Variants in DAB1 observed in about 807,000 individuals in gnomAD.
DAB1 encodes the protein disabled homolog 1.
Under a neutral mutation model 64.6 loss-of-function variants are expected in DAB1, and 15 were observed. That is an observed-to-expected ratio of 0.23 (90% CI 0.16 to 0.36). DAB1 has a LOEUF of 0.36. Among genes scored for constraint, DAB1 ranks in the 10% least tolerant of loss-of-function variants. DAB1 has a pLI of 1.00. For synonymous variants in DAB1, 235 were observed against 251.9 expected (o/e 0.93, Z 0.64); for missense variants, 596 against 706.7 (o/e 0.84, Z 1.78).
chr1:57,620,387 C>A (rs1645843305), intron 7 of DAB1, among the ~76,000 whole-genome samples: 1 of 152,184 alleles, frequency 6.6e-6, no homozygotes, highest in African/African-American at 2.4e-5. Context: ...TCCCTCTGGA[C>A]TTGTTTCCAG....
intron 1 of DAB1, among the ~76,000 whole-genome samples, chr1:57,869,437 T>C (rs1297106408): frequency 6.6e-6 from 1 of 151,844 alleles, no homozygotes; most frequent in Non-Finnish European, 1.5e-5. Context: ...ACAAACAAAG[T>C]TGACACTTCA....
chr1:57,713,263 A>G (rs746666799), intron 6 of DAB1, among the ~76,000 whole-genome samples: 44 of 152,300 alleles, frequency 2.9e-4, no homozygotes, highest in Admixed American at 1.8e-3. Context: ...AGGCAACATA[A>G]CCTAAGGATG....
At chr1:58,220,398 GTTTAAAATAGATAATC>G (rs1252441441) in intron 4 of DAB1, among the ~76,000 whole-genome samples, 1 of 152,172 alleles carries the variant, frequency 6.6e-6, no homozygotes, top group Non-Finnish European at 1.5e-5. Context: ...TGAAACACTG[GTTTAAAATAGATAATC>G]TTTACATTTT....
intron 3 of DAB1, among the ~76,000 whole-genome samples, chr1:58,417,142 CTCT>C (rs1395625183): frequency 6.6e-6 from 1 of 152,118 alleles, no homozygotes; most frequent in Non-Finnish European, 1.5e-5. Context: ...ATCCTCCCGT[CTCT>C]TCTTGCCTTA....
intron 3 of DAB1, among the ~76,000 whole-genome samples, chr1:58,429,438 G>C (rs1196586544): frequency 1.3e-5 from 2 of 152,214 alleles, no homozygotes; most frequent in Admixed American, 1.3e-4. Context: ...GACAGAGCAG[G>C]ACAGTCAGTG....
chr1:57,016,696 C>T (rs201075725), intron 11 of DAB1, among the ~76,000 whole-genome samples: 1 of 114,630 alleles, frequency 8.7e-6, no homozygotes, highest in Non-Finnish European at 1.7e-5. Flanking sequence ...ACACGTATTA[C>T]CATGATAATT....
chr1:57,607,942 C>G (rs1232941593), intron 7 of DAB1, among the ~76,000 whole-genome samples: 1 of 152,146 alleles, frequency 6.6e-6, no homozygotes, highest in Non-Finnish European at 1.5e-5. Flanking sequence ...ACAGAGGGGT[C>G]AGCATTCAGA....
chr1:57,436,018 G>C (rs746705012), intron 7 of DAB1, among the ~76,000 whole-genome samples: 1 of 149,900 alleles, frequency 6.7e-6, no homozygotes, highest in Non-Finnish European at 1.5e-5. Context: ...CCGGGTTCAA[G>C]CAATTCTCCT....
intron 6 of DAB1, among the ~76,000 whole-genome samples, chr1:57,765,672 G>C (rs1410217153): frequency 6.6e-6 from 1 of 152,036 alleles, no homozygotes; most frequent in East Asian, 1.9e-4. Flanking sequence ...ATCCTTACTT[G>C]ACTGTCAACA....
intron 5 of DAB1, among the ~76,000 whole-genome samples, chr1:57,908,360 T>G (rs1307941853): frequency 6.6e-6 from 1 of 152,122 alleles, no homozygotes; most frequent in Non-Finnish European, 1.5e-5. Flanking sequence ...ACTGATGTCC[T>G]TTTCAACAAG....
Position 57,069,399 on chromosome 1 carries a change from C to A in DAB1, c.624G>T (p.Glu208Asp). Reference sequence around the variant, plus strand: ...CTTCCGTTTCGGGATCACGGATTGGCTCGTGTCCAGCCTCAAACACAATGT... The same window carrying A: ...CTTCCGTTTCGGGATCACGGATTGGATCGTGTCCAGCCTCAAACACAATGT... ...YQYIVFEAGHEPIRDPETEEN... is the reference protein window; with the variant it reads ...YQYIVFEAGHDPIRDPETEEN... The change falls in exon 8 of 15, where the codon GAG (glutamate) becomes GAT (aspartate). Residue 208 changes from glutamate to aspartate, a missense_variant. Physicochemically the swap from Glu to Asp is conservative, Grantham distance 45 (BLOSUM62 2). This residue lies in a region of DAB1 where 176 missense variants were observed against 266.7 expected (regional missense o/e 0.66). Transcript: ENST00000371236. 1 of 1,613,532 alleles carries A rather than the reference C, an allele frequency of 6.2e-7. No homozygotes were observed. Among genetic ancestry groups the A allele is most frequent in the Non-Finnish European group, 8.5e-7 (1 of 1,179,594 alleles).
chr1:57,278,119 G>T (rs987943363), intron 2 of DAB1, among the ~76,000 whole-genome samples: 2 of 152,326 alleles, frequency 1.3e-5, no homozygotes, highest in South Asian at 4.1e-4. Context: ...GATGGTCTCT[G>T]CTGGGAAACA....
chr1:58,474,191 G>A (rs957723591), intron 3 of DAB1, among the ~76,000 whole-genome samples: 1 of 152,130 alleles, frequency 6.6e-6, no homozygotes, highest in African/African-American at 2.4e-5. Flanking sequence ...CAATGGGATA[G>A]GTGCAGTAAT....
At chr1:58,326,106 A>G (rs79965773) in intron 4 of DAB1, among the ~76,000 whole-genome samples, 3,539 of 152,282 alleles carry the variant, frequency 0.023, 145 homozygotes, top group African/African-American at 0.081. Context: ...CTTCTCCCCA[A>G]TCACGTAGCA....
intron 4 of DAB1, among the ~76,000 whole-genome samples, chr1:58,320,883 G>A (rs549434297): frequency 9.9e-5 from 15 of 152,152 alleles, no homozygotes; most frequent in Admixed American, 1.3e-4. Context: ...GCAAGAGATC[G>A]GAGGAGGAGG....
chr1:58,431,607 T>A (rs941647854), intron 3 of DAB1, among the ~76,000 whole-genome samples: 1 of 151,896 alleles, frequency 6.6e-6, no homozygotes, highest in Non-Finnish European at 1.5e-5. Context: ...AGAAAAAGTT[T>A]TGTGACAAAA....
chr1:57,046,417 C>A (rs1648502638), intron 9 of DAB1, among the ~76,000 whole-genome samples: 1 of 152,184 alleles, frequency 6.6e-6, no homozygotes, highest in Non-Finnish European at 1.5e-5. Flanking sequence ...ATTTATTTAG[C>A]TCTTGCTCCT....
At chr1:57,973,545 A>G (rs1281253925) in intron 5 of DAB1, among the ~76,000 whole-genome samples, 2 of 152,160 alleles carry the variant, frequency 1.3e-5, no homozygotes, top group Non-Finnish European at 2.9e-5. Context: ...AAGTACACAA[A>G]GCCCTTAAAC....
chr1:57,595,830 C>T lies in DAB1; in HGVS notation n.625+53762G>A, dbSNP rs189300041. On this transcript the variant is annotated intron_variant and non_coding_transcript_variant, in intron 7 of 20. Coordinates refer to the DAB1 transcript ENST00000485760. ...CTCCCCACCTCTCTTCCTCCTCCTC[C>T]GGCCATGTAGGATGTGCCTGCTTCC... Among the ~76,000 whole-genome samples, 12 of 152,230 alleles carry T rather than the reference C, an allele frequency of 7.9e-5. No homozygotes were observed. The East Asian group carries it at 1.9e-3, about 25-fold the overall frequency.
Sources: allele counts gnomAD v4.1 joint callset (sites outside exome capture counted in the v4.1 genomes callset), GRCh38; gene constraint gnomAD v4.1.1; regional missense constraint gnomAD v4.1.1; transcripts MANE v1.5; gene names NCBI Gene and HGNC (gene_info 2026-07-23, HGNC 2026-07-21).